JARID2: variants seen among roughly 807,000 people sequenced by gnomAD.
JARID2 encodes jumonji and AT-rich interaction domain containing 2.
JARID2 carries 21 observed loss-of-function variants against 125.6 expected under a neutral mutation model. The observed-to-expected ratio is 0.17, with a 90% CI of 0.12 to 0.24. The LOEUF is 0.24. JARID2 is among the 10% of genes least tolerant of loss of function. The probability of loss-of-function intolerance (pLI) is 1.00; values close to 1 mark genes in which losing one functional copy is unlikely to be tolerated. For synonymous variants in JARID2, 736 were observed against 661.6 expected, an observed-to-expected ratio of 1.11 and a Z score of -1.73; for missense variants, 1,303 against 1,639.6, an observed-to-expected ratio of 0.79 and a Z score of 3.55.
intron 4 of JARID2, among the ~76,000 whole-genome samples, chr6:15,453,903 CT>C (rs1387994388): frequency 6.6e-6 from 1 of 152,124 alleles, no homozygotes; most frequent in Non-Finnish European, 1.5e-5. Context: ...GGGATAAGTG[CT>C]GTTGAGGAGC....
At chr6:15,280,153 A>AAGGGTAAAATAAAC (rs1760695099) in intron 1 of JARID2, among the ~76,000 whole-genome samples, 2 of 152,204 alleles carry the variant, frequency 1.3e-5, no homozygotes, top group Admixed American at 1.3e-4. Context: ...TCCATTAAAA[A>AAGGGTAAAATAAAC]AGGGTAAAAT....
intron 1 of JARID2, among the ~76,000 whole-genome samples, chr6:15,281,526 T>C (rs964146425): frequency 3.0e-4 from 46 of 152,224 alleles, no homozygotes; most frequent in African/African-American, 1.1e-3. Flanking sequence ...TTCTGTGTAT[T>C]TACCTGCATA....
chr6:15,284,039 C>T (rs766077148), intron 1 of JARID2, among the ~76,000 whole-genome samples: 19 of 152,108 alleles, frequency 1.2e-4, no homozygotes, highest in Non-Finnish European at 2.9e-5. Flanking sequence ...TTTTTTCTTT[C>T]ATAGAAGTTT....
At chr6:15,450,279 C>T (rs1287311647) in intron 3 of JARID2, among the ~76,000 whole-genome samples, 2 of 152,212 alleles carry the variant, frequency 1.3e-5, no homozygotes, top group East Asian at 3.9e-4. Context: ...CAGCGATTCT[C>T]CTGCCTCAGC....
intron 1 of JARID2, chr6:15,247,847 C>T: frequency 5.1e-6 from 5 of 985,380 alleles, no homozygotes; most frequent in Non-Finnish European, 6.0e-6. Flanking sequence ...AATTAAAATA[C>T]ATCCGCATTG....
At chr6:15,489,810 A>C (rs1353691108) in intron 6 of JARID2, among the ~76,000 whole-genome samples, 1 of 152,218 alleles carries the variant, frequency 6.6e-6, no homozygotes, top group Admixed American at 6.5e-5. Flanking sequence ...CCATGTGCTC[A>C]TGCAGGGCAT....
chr6:15,313,978 T>A (rs1762099855), intron 1 of JARID2, among the ~76,000 whole-genome samples: 1 of 152,144 alleles, frequency 6.6e-6, no homozygotes, highest in South Asian at 2.1e-4. Context: ...GGTGCTGCTT[T>A]TGTTTTTATC....
At chr6:15,389,912 G>A (rs1764934394) in intron 2 of JARID2, among the ~76,000 whole-genome samples, 1 of 152,204 alleles carries the variant, frequency 6.6e-6, no homozygotes, top group Non-Finnish European at 1.5e-5. Flanking sequence ...AAAAATAGAA[G>A]TGTGTAGTGC....
chr6:15,438,006 A>G (rs1397562959), intron 3 of JARID2, among the ~76,000 whole-genome samples: 1 of 152,146 alleles, frequency 6.6e-6, no homozygotes, highest in African/African-American at 2.4e-5. Flanking sequence ...TTGTTTTCCA[A>G]ACCCACACAG....
chr6:15,438,644 T>TG, intron 3 of JARID2, among the ~76,000 whole-genome samples: 1 of 152,320 alleles, frequency 6.6e-6, no homozygotes, highest in East Asian at 1.9e-4. Flanking sequence ...TCTTCAATGG[T>TG]GGCTTGCCTT....
intron 1 of JARID2, among the ~76,000 whole-genome samples, chr6:15,354,771 CATAGA>C (rs987581165): frequency 2.0e-5 from 3 of 152,126 alleles, no homozygotes; most frequent in Non-Finnish European, 4.4e-5. Flanking sequence ...GTTTGGAAAC[CATAGA>C]ATACCTACCC....
chr6:15,517,638 T>C lies in JARID2; in HGVS notation c.3558+370T>C, dbSNP rs183049794. ...AGTGGCCTCTCCAATCTGCACTAAC[T>C]TGACACCAGCCCCTTCAGGCTGAGA... On this transcript the variant is annotated intron_variant, in intron 17 of 17. Transcript: ENST00000341776. Among the ~76,000 whole-genome samples the C allele has an allele frequency of 1.8e-3, 267 of 152,316 alleles. 1 individual carries two copies. The highest frequency in any genetic ancestry group is 6.2e-3 in the African/African-American group (258 of 41,576).
intron 9 of JARID2, 31 bp from the exon 10 acceptor site, chr6:15,507,105 G>A (rs751700738): frequency 4.9e-6 from 7 of 1,423,490 alleles, no homozygotes; most frequent in Non-Finnish European, 6.0e-6. Context: ...CACCTTAGGG[G>A]TGCTGACCAG....
chr6:15,254,945 G>T (rs1056608135), intron 1 of JARID2, among the ~76,000 whole-genome samples: 13 of 151,706 alleles, frequency 8.6e-5, no homozygotes. Context: ...GGAAGGCCGA[G>T]GCAGGAGAAT....
At chr6:15,264,355 G>GTA (rs1371777849) in intron 1 of JARID2, among the ~76,000 whole-genome samples, 11 of 152,132 alleles carry the variant, frequency 7.2e-5, no homozygotes, top group African/African-American at 2.7e-4. Flanking sequence ...GTATTAATCA[G>GTA]TATTTGGAAT....
intron 1 of JARID2, among the ~76,000 whole-genome samples, chr6:15,309,625 A>C (rs1427317081): frequency 1.3e-5 from 2 of 152,168 alleles, no homozygotes. Context: ...AAAATTTAGT[A>C]AATATATGTA....
At chr6:15,485,055 G>T (rs997015872) in intron 5 of JARID2, among the ~76,000 whole-genome samples, 1 of 152,166 alleles carries the variant, frequency 6.6e-6, no homozygotes, top group African/African-American at 2.4e-5. Context: ...ATGATTGATG[G>T]TTTCTGACAA....
chr6:15,291,538 G>A (rs1761214992), intron 1 of JARID2, among the ~76,000 whole-genome samples: 1 of 152,206 alleles, frequency 6.6e-6, no homozygotes, highest in African/African-American at 2.4e-5. Flanking sequence ...TTGGATGAGA[G>A]GAGGAGCCTT....
intron 1 of JARID2, among the ~76,000 whole-genome samples, chr6:15,251,320 G>A (rs1470046634): frequency 6.6e-6 from 1 of 152,200 alleles, no homozygotes; most frequent in East Asian, 1.9e-4. Context: ...CCAGCCAGCT[G>A]AACATTTTTA....
Sources: gnomAD v4.1 joint callset for allele counts (sites outside exome capture counted in the v4.1 genomes callset) on GRCh38, gnomAD v4.1.1 for gene constraint, MANE v1.5 for transcripts, NCBI Gene and HGNC (gene_info 2026-07-23, HGNC 2026-07-21) for gene names.